ATP10B: variants seen among roughly 807,000 people sequenced by gnomAD.
ATP10B encodes the protein ATPase phospholipid transporting 10B (putative), also known as phospholipid-transporting ATPase VB.
A neutral mutation model predicts 141.2 loss-of-function variants in ATP10B; 122 were observed. The observed-to-expected ratio is 0.86, with a 90% CI of 0.75 to 1.00. ATP10B has a LOEUF of 1.00. Among genes scored for constraint, ATP10B ranks in the 50% least tolerant of loss-of-function variants. The pLI is 0.00. For synonymous variants in ATP10B, 685 were observed against 692.0 expected (o/e 0.99, Z 0.16); for missense variants, 1,876 against 1,825.3 (o/e 1.03, Z -0.51).
At chr5:160,686,358 T>G in intron 5 of ATP10B, 85 bp from the exon 6 acceptor site, 1 of 1,079,210 alleles carries the variant, frequency 9.3e-7, no homozygotes, top group East Asian at 2.7e-5. Context: ...TGTTTGGCCT[T>G]GATCAATTAA....
At chr5:160,863,418 C>A in the ATP10B span, among the ~76,000 whole-genome samples, 1 of 151,722 alleles carries the variant, frequency 6.6e-6, no homozygotes, top group African/African-American at 2.4e-5. Flanking sequence ...TAAAAAGTAA[C>A]AAGAGACACA....
At chr5:160,912,659 AAG>A in the ATP10B span, among the ~76,000 whole-genome samples, 4 of 151,820 alleles carry the variant, frequency 2.6e-5, no homozygotes, top group African/African-American at 4.8e-5. Context: ...AGAGAGAAAA[AAG>A]AGAAGAAAAG....
chr5:160,755,650 C>A (rs1768475882), intron 2 of ATP10B, among the ~76,000 whole-genome samples: 1 of 148,376 alleles, frequency 6.7e-6, no homozygotes, highest in Non-Finnish European at 1.5e-5. Context: ...CCCGTCTCTA[C>A]TAAAAATACA....
intron 1 of ATP10B, among the ~76,000 whole-genome samples, chr5:160,805,977 A>T (rs540229606): frequency 3.9e-4 from 60 of 152,240 alleles, no homozygotes; most frequent in Middle Eastern, 3.4e-3. Flanking sequence ...CAGAACCAAT[A>T]ATGTACATCC....
Position 160,778,364 on chromosome 5 carries a change from A to G in ATP10B, c.-331+7195T>C, listed in dbSNP as rs139377469. Among the ~76,000 whole-genome samples the G allele has an allele frequency of 3.2e-4, 48 of 152,302 alleles. 1 individual carries two copies. The highest frequency in any genetic ancestry group is 1.0e-3 in the African/African-American group (43 of 41,570). ...GAAGAAAGACTGCTCCAGTCCTCCA[A>G]TACCCTTCCTGAAGAGATTTGATGA... On this transcript the variant is annotated intron_variant, in intron 2 of 25. Coordinates refer to ENST00000327245, the MANE Select transcript of ATP10B (RefSeq NM_025153.3).
At chr5:160,825,802 A>C (rs1334971794) in intron 1 of ATP10B, among the ~76,000 whole-genome samples, 1 of 151,610 alleles carries the variant, frequency 6.6e-6, no homozygotes, top group East Asian at 1.9e-4. Context: ...TCCTCTTCCC[A>C]CCTCCGCCCT....
At chr5:160,889,125 C>A in the ATP10B span, among the ~76,000 whole-genome samples, 1 of 152,220 alleles carries the variant, frequency 6.6e-6, no homozygotes, top group South Asian at 2.1e-4. Context: ...GTGAAATGAC[C>A]AGAGGCTTGG....
At chr5:160,830,842 T>G (rs1312957281) in intron 1 of ATP10B, among the ~76,000 whole-genome samples, 1 of 152,024 alleles carries the variant, frequency 6.6e-6, no homozygotes, top group Non-Finnish European at 1.5e-5. Flanking sequence ...GCCTTCAACC[T>G]CGGACTCTTA....
intron 7 of ATP10B, among the ~76,000 whole-genome samples, chr5:160,654,379 A>T (rs573576479): frequency 6.6e-6 from 1 of 152,154 alleles, no homozygotes; most frequent in Admixed American, 6.5e-5. Context: ...GCCTAACTGG[A>T]CACTTCTTCT....
chr5:160,604,748 T>C (rs890947160), intron 19 of ATP10B, among the ~76,000 whole-genome samples: 2 of 152,194 alleles, frequency 1.3e-5, no homozygotes, highest in Non-Finnish European at 2.9e-5. Context: ...TCTCCTTCTA[T>C]ACCAAGACTG....
At chr5:160,818,504 T>C (rs919956314) in intron 1 of ATP10B, among the ~76,000 whole-genome samples, 3 of 152,150 alleles carry the variant, frequency 2.0e-5, no homozygotes, top group Non-Finnish European at 2.9e-5. Flanking sequence ...AAACAACAGG[T>C]GCTGGAAAGG....
intron 1 of ATP10B, among the ~76,000 whole-genome samples, chr5:160,812,369 G>C (rs1302716351): frequency 6.6e-6 from 1 of 152,126 alleles, no homozygotes; most frequent in Non-Finnish European, 1.5e-5. Context: ...GAAGACTCAG[G>C]ACTATACTGG....
the ATP10B span, among the ~76,000 whole-genome samples, chr5:160,908,521 C>T: frequency 1.4e-4 from 21 of 152,180 alleles, no homozygotes; most frequent in African/African-American, 2.9e-4. Flanking sequence ...CATCTGCTAT[C>T]GAAGGATTAG....
rs541057248 is a variant in ATP10B at position 160,658,662 on chromosome 5, A to G, written c.676-9406T>C. ...GTTTCCCCAGGATGCTTTTCAATCT[A>G]GACATCAGGGAAGGTTGCTAGACCC... On this transcript the variant is annotated intron_variant, in intron 7 of 25. Transcript: ENST00000327245. Among the ~76,000 whole-genome samples the G allele has an allele frequency of 5.9e-5, 9 of 152,312 alleles. No homozygotes were observed. In the East Asian group the frequency reaches 1.5e-3, roughly 26 times the overall value.
rs182913346 is a variant in ATP10B at position 160,797,553 on chromosome 5, T to C, written c.-575-11750A>G. On this transcript the variant is annotated intron_variant, in intron 1 of 25. Coordinates refer to ENST00000327245, the MANE Select transcript of ATP10B (RefSeq NM_025153.3). ...GGGGCTATATTTTATATATTCCATG[T>C]TCCCTAAGTGCCTAGCATTTGGCCT... Among the ~76,000 whole-genome samples the C allele has an allele frequency of 2.2e-3, 334 of 152,330 alleles. 5 individuals carry two copies. Among genetic ancestry groups the C allele is most frequent in the Non-Finnish European group, 5.3e-4 (36 of 68,020 alleles).
intron 25 of ATP10B, among the ~76,000 whole-genome samples, chr5:160,569,150 T>C (rs1754724748): frequency 6.6e-6 from 1 of 152,200 alleles, no homozygotes; most frequent in Admixed American, 6.5e-5. Flanking sequence ...ATAAGATTCC[T>C]GGACTAATAC....
At chr5:160,653,743 TTACATA>T (rs1246775504) in intron 7 of ATP10B, among the ~76,000 whole-genome samples, 1 of 109,030 alleles carries the variant, frequency 9.2e-6, no homozygotes, top group African/African-American at 3.5e-5. Flanking sequence ...TATACATATA[TTACATA>T]TACATAAATA....
At position 160,607,019 on chromosome 5, in the gene ATP10B, G is replaced by T; in HGVS notation, c.2906C>A (p.Pro969Gln). The part of the protein sequence containing the change: ...ELKQFRELQK[P>Q]DRKLFGFRLP... The stretch of plus-strand genomic sequence containing the variant: ...GCGGAATCCAAAGAGCTTGCGGTCT[G>T]GCTTCTGTAGTTCACGAAATTGCTT... The change falls in exon 19 of 26, where the codon CCA becomes CAA. Residue 969 changes from proline (P) to glutamine (Q), a missense_variant. Pro to Gln is a moderately conservative substitution (Grantham distance 76). Transcript: ENST00000327245. The T allele has an allele frequency of 1.2e-6, 2 of 1,614,120 alleles. No individual in the cohort carries two copies. The highest frequency in any genetic ancestry group is 1.7e-6 in the Non-Finnish European group (2 of 1,180,010).
Position 160,766,337 on chromosome 5 carries a change from A to AACACACACACAC in ATP10B, c.-331+19210_-331+19221dup, listed in dbSNP as rs58890049. Among the ~76,000 whole-genome samples the AACACACACACAC allele has an allele frequency of 2.8e-3, 392 of 140,388 alleles. 2 individuals are homozygous for AACACACACACAC. Among genetic ancestry groups the AACACACACACAC allele is most frequent in the South Asian group, 4.0e-3 (17 of 4,264 alleles). 92.1% of individuals were successfully genotyped at this position (140,388 alleles called of 152,430 possible). Reference sequence around the variant, plus strand: ...CACCAATCAATGAGTGGATAAAGAGAACACACACACACACACACACACACA... The same window carrying AACACACACACAC: ...CACCAATCAATGAGTGGATAAAGAGAACACACACACACACACACACACACACACACACACACA... On this transcript the variant is annotated intron_variant, in intron 2 of 25. Coordinates refer to ENST00000327245, the MANE Select transcript of ATP10B (RefSeq NM_025153.3).
Sources: gnomAD v4.1 joint callset for allele counts (sites outside exome capture counted in the v4.1 genomes callset) on GRCh38, gnomAD v4.1.1 for gene constraint, MANE v1.5 for transcripts, NCBI Gene and HGNC (gene_info 2026-07-23, HGNC 2026-07-21) for gene names.